MNAT1: variants seen among roughly 807,000 people sequenced by gnomAD.
MNAT1 encodes the protein CDK-activating kinase assembly factor MAT1.
Under a neutral mutation model 42.0 loss-of-function variants are expected in MNAT1, and 43 were observed. That is an observed-to-expected ratio of 1.02 (90% CI 0.80 to 1.32). The LOEUF is 1.32. Ranked by LOEUF, MNAT1 falls within the 40% of genes most tolerant of loss-of-function variation. The pLI is 0.00. For missense variants in MNAT1, 306 were observed against 350.4 expected (o/e 0.87, Z 1.01); for synonymous variants, 118 against 120.0 (o/e 0.98, Z 0.11).
chr14:60,934,330 T>C (rs1056875782), intron 7 of MNAT1, among the ~76,000 whole-genome samples: 3 of 152,182 alleles, frequency 2.0e-5, no homozygotes, highest in Non-Finnish European at 4.4e-5. Flanking sequence ...CCCTATTTTG[T>C]CTGGGTCTGA....
chr14:60,831,318 T>TC (rs2033208855), intron 6 of MNAT1, among the ~76,000 whole-genome samples: 1 of 152,086 alleles, frequency 6.6e-6, no homozygotes, highest in South Asian at 2.1e-4. Context: ...TCTAATGCTA[T>TC]CCCTCCCCTA....
chr14:60,931,402 A>G (rs1166990267), intron 7 of MNAT1, among the ~76,000 whole-genome samples: 1 of 152,152 alleles, frequency 6.6e-6, no homozygotes, highest in African/African-American at 2.4e-5. Flanking sequence ...GGGAAAGGCC[A>G]GGGAGAGAAA....
At chr14:60,837,553 C>T (rs1394816940) in intron 6 of MNAT1, among the ~76,000 whole-genome samples, 1 of 152,228 alleles carries the variant, frequency 6.6e-6, no homozygotes, top group Non-Finnish European at 1.5e-5. Context: ...GCTGCACTCA[C>T]TGTCTAACCA....
intron 6 of MNAT1, among the ~76,000 whole-genome samples, chr14:60,875,925 A>G (rs1380341724): frequency 1.3e-5 from 2 of 152,060 alleles, no homozygotes; most frequent in Non-Finnish European, 2.9e-5. Flanking sequence ...TCTGAAATGC[A>G]CACGGAGTGT....
intron 7 of MNAT1, among the ~76,000 whole-genome samples, chr14:60,886,220 G>GT (rs753734032): frequency 6.6e-6 from 1 of 151,648 alleles, no homozygotes; most frequent in Non-Finnish European, 1.5e-5. Flanking sequence ...AGGCTGTTTT[G>GT]TTTTTTGTGG....
At chr14:60,793,165 G>T (rs898975157) in intron 1 of MNAT1, among the ~76,000 whole-genome samples, 3 of 150,940 alleles carry the variant, frequency 2.0e-5, no homozygotes, top group African/African-American at 7.3e-5. Flanking sequence ...CACCATGCCC[G>T]GCTAATTTGT....
At chr14:60,843,858 C>G (rs193287342) in intron 6 of MNAT1, among the ~76,000 whole-genome samples, 2 of 152,106 alleles carry the variant, frequency 1.3e-5, no homozygotes, top group Non-Finnish European at 2.9e-5. Flanking sequence ...ATCTAAGGAA[C>G]CTTTTCCTTC....
intron 3 of MNAT1, among the ~76,000 whole-genome samples, chr14:60,798,691 C>G (rs2032101289): frequency 6.6e-6 from 1 of 151,828 alleles, no homozygotes; most frequent in African/African-American, 2.4e-5. Context: ...TGTGTTTAGT[C>G]AAAAGGAAGA....
At chr14:60,864,247 A>G (rs2034158323) in intron 6 of MNAT1, among the ~76,000 whole-genome samples, 1 of 151,854 alleles carries the variant, frequency 6.6e-6, no homozygotes, top group Non-Finnish European at 1.5e-5. Flanking sequence ...AAATGAGCAC[A>G]TTATATTTAA....
chr14:60,833,188 G>C (rs1413031257), intron 6 of MNAT1, among the ~76,000 whole-genome samples: 2 of 151,986 alleles, frequency 1.3e-5, no homozygotes, highest in African/African-American at 4.8e-5. Context: ...TTGCCTGATT[G>C]TCCTGGCCAG....
intron 1 of MNAT1, among the ~76,000 whole-genome samples, chr14:60,747,396 T>C (rs1337186698): frequency 6.6e-6 from 1 of 152,196 alleles, no homozygotes; most frequent in Non-Finnish European, 1.5e-5. Context: ...TAGTCTATTA[T>C]ATACCTAAGC....
In MNAT1 at chr14:60,796,311, C is replaced by G; in HGVS notation, c.184C>G (p.Leu62Val). The change falls in exon 2 of 8, where the codon CTC becomes GTC. Residue 62 changes from leucine to valine, a missense_variant. Transcript: ENST00000261245. ...PLRKSNFRVQLFEDPTVDKEV... is the reference protein window; with the variant it reads ...PLRKSNFRVQVFEDPTVDKEV... ...CAGAAAGAGCAACTTCAGGGTACAACTCTTTGAAGATCCCACTGTTGACAA... is the reference window on the plus strand; with the variant it reads ...CAGAAAGAGCAACTTCAGGGTACAAGTCTTTGAAGATCCCACTGTTGACAA... The G allele has an allele frequency of 6.2e-7, 1 of 1,613,646 alleles. No homozygotes were observed. Among genetic ancestry groups the G allele is most frequent in the Non-Finnish European group, 8.5e-7 (1 of 1,179,712 alleles).
chr14:60,773,147 C>T (rs548412515), intron 1 of MNAT1, among the ~76,000 whole-genome samples: 1 of 152,142 alleles, frequency 6.6e-6, no homozygotes, highest in African/African-American at 2.4e-5. Flanking sequence ...CCATGTTGGC[C>T]AGGATGGTCT....
At chr14:60,782,879 A>G (rs925588404) in intron 1 of MNAT1, among the ~76,000 whole-genome samples, 12 of 152,228 alleles carry the variant, frequency 7.9e-5, no homozygotes, top group African/African-American at 2.4e-4. Context: ...TTTACCACTT[A>G]TATTAACACT....
At chr14:60,856,449 A>G (rs957847033) in intron 6 of MNAT1, among the ~76,000 whole-genome samples, 10 of 152,220 alleles carry the variant, frequency 6.6e-5, no homozygotes, top group African/African-American at 2.4e-4. Context: ...AAGTTAATTC[A>G]TGGAATTTAA....
chr14:60,856,538 C>A (rs1232543099), intron 6 of MNAT1, among the ~76,000 whole-genome samples: 1 of 152,036 alleles, frequency 6.6e-6, no homozygotes, highest in Non-Finnish European at 1.5e-5. Context: ...CATCCTTCTA[C>A]TGAAAGATGA....
intron 7 of MNAT1, among the ~76,000 whole-genome samples, chr14:60,886,747 A>C (rs1235459092): frequency 6.6e-6 from 1 of 151,684 alleles, no homozygotes; most frequent in Admixed American, 6.6e-5. Context: ...TATTGAATTC[A>C]TTTTCTAATT....
chr14:60,874,232 C>T (rs775381506), intron 6 of MNAT1, among the ~76,000 whole-genome samples: 4 of 152,110 alleles, frequency 2.6e-5, no homozygotes, highest in Admixed American at 1.3e-4. Context: ...ATTTCTTACC[C>T]ATTTGAGTTC....
chr14:60,885,351 A>G (rs1029609606), intron 7 of MNAT1, among the ~76,000 whole-genome samples: 3 of 151,804 alleles, frequency 2.0e-5, no homozygotes, highest in Admixed American at 1.3e-4. Flanking sequence ...GCTATTTTCT[A>G]GATCTTTTAG....
Sources: allele counts gnomAD v4.1 joint callset (sites outside exome capture counted in the v4.1 genomes callset), GRCh38; gene constraint gnomAD v4.1.1; transcripts MANE v1.5; gene names NCBI Gene and HGNC (gene_info 2026-07-23, HGNC 2026-07-21).